Variants in KCNIP4 observed in about 807,000 individuals in gnomAD.
The protein encoded by KCNIP4 is Kv channel-interacting protein 4.
Under a neutral mutation model 34.0 loss-of-function variants are expected in KCNIP4, and 12 were observed. That is an observed-to-expected ratio of 0.35 (90% CI 0.23 to 0.57). The LOEUF is 0.57. KCNIP4 is among the 20% of genes least tolerant of loss of function. The pLI is 0.83. For missense variants in KCNIP4, 238 were observed against 311.7 expected (o/e 0.76, Z 1.78); for synonymous variants, 124 against 102.2 (o/e 1.21, Z -1.29).
chr4:21,707,817 G>A (rs183738300), intron 1 of KCNIP4, among the ~76,000 whole-genome samples: 8 of 151,990 alleles, frequency 5.3e-5, no homozygotes, highest in Middle Eastern at 3.4e-3. Context: ...TATGGTTAGG[G>A]GAGCTAAGTT....
chr4:21,648,825 G>C (rs1156499101), intron 1 of KCNIP4, among the ~76,000 whole-genome samples: 1 of 152,140 alleles, frequency 6.6e-6, no homozygotes, highest in East Asian at 1.9e-4. Context: ...ATCTAGTAGA[G>C]GCCCCGCACA....
chr4:20,761,135 A>G (rs1754925724), intron 3 of KCNIP4, among the ~76,000 whole-genome samples: 1 of 152,112 alleles, frequency 6.6e-6, no homozygotes, highest in South Asian at 2.1e-4. Context: ...AGTGTTCTTC[A>G]GACATCATCT....
intron 1 of KCNIP4, among the ~76,000 whole-genome samples, chr4:21,448,054 C>T (rs1728183336): frequency 6.6e-6 from 1 of 152,006 alleles, no homozygotes; most frequent in Non-Finnish European, 1.5e-5. Flanking sequence ...TTTGATACTG[C>T]TTTGGGAAGC....
At chr4:20,751,379 G>T (rs1441154868) in intron 4 of KCNIP4, among the ~76,000 whole-genome samples, 2 of 152,000 alleles carry the variant, frequency 1.3e-5, no homozygotes, top group African/African-American at 4.8e-5. Flanking sequence ...TTCTGTTGTT[G>T]GGAAGCTCCA....
chr4:21,307,740 C>G (rs773936204), intron 1 of KCNIP4, among the ~76,000 whole-genome samples: 13 of 151,826 alleles, frequency 8.6e-5, no homozygotes, highest in Non-Finnish European at 1.0e-4. Flanking sequence ...GCCTGGGGAG[C>G]CTGAGAGATT....
At chr4:21,724,096 T>C (rs1231829483) in intron 1 of KCNIP4, among the ~76,000 whole-genome samples, 1 of 152,096 alleles carries the variant, frequency 6.6e-6, no homozygotes, top group African/African-American at 2.4e-5. Context: ...CCTACATGAA[T>C]GATGGTACAT....
At chr4:21,887,956 TTATCATTAGTTGTTCAACTATGA>T (rs1318007169) in intron 1 of KCNIP4, among the ~76,000 whole-genome samples, 1 of 152,192 alleles carries the variant, frequency 6.6e-6, no homozygotes, top group Admixed American at 6.6e-5. Context: ...ACCTAGTGTT[TTATCATTAGTTGTTCAACTATGA>T]TAGTTCATAT....
At chr4:21,340,216 A>C (rs148148796) in intron 1 of KCNIP4, among the ~76,000 whole-genome samples, 2 of 152,044 alleles carry the variant, frequency 1.3e-5, no homozygotes, top group African/African-American at 4.8e-5. Context: ...TTTAAACTGT[A>C]ACTCTACAAA....
At chr4:20,797,794 C>G (rs1165550369) in intron 3 of KCNIP4, among the ~76,000 whole-genome samples, 1 of 152,170 alleles carries the variant, frequency 6.6e-6, no homozygotes, top group African/African-American at 2.4e-5. Flanking sequence ...AATATAGCCA[C>G]AGTCAACTGA....
At chr4:21,603,747 G>A (rs1482492404) in intron 1 of KCNIP4, among the ~76,000 whole-genome samples, 5 of 151,436 alleles carry the variant, frequency 3.3e-5, no homozygotes, top group South Asian at 2.1e-4. Flanking sequence ...TCTGACTAGC[G>A]ATGTGTCTTT....
chr4:21,895,779 T>G (rs1727350613), intron 1 of KCNIP4, among the ~76,000 whole-genome samples: 1 of 152,184 alleles, frequency 6.6e-6, no homozygotes, highest in East Asian at 1.9e-4. Context: ...GCATCTGTCC[T>G]CAGATTGGGA....
At position 20,891,802 on chromosome 4, in the gene KCNIP4, T is replaced by C. The variant is rs1452098191; in HGVS notation, c.62-9093A>G. On this transcript the variant is annotated intron_variant, in intron 1 of 8. Coordinates refer to ENST00000382152, the MANE Select transcript of KCNIP4 (RefSeq NM_025221.6). ...CAAAAGTAATTGTGATTTTTACCAT[T>C]GAAAGTAATGGCAAAAACTGCAATT... is the stretch of plus-strand genomic sequence containing the variant. 2.6e-5 allele frequency among the ~76,000 whole-genome samples: 4 copies of C among 152,124 alleles called. No individual in the cohort carries two copies. The South Asian group carries it at 8.3e-4, about 32-fold the overall frequency.
At chr4:21,480,588 G>A (rs1731337274) in intron 1 of KCNIP4, among the ~76,000 whole-genome samples, 2 of 152,094 alleles carry the variant, frequency 1.3e-5, no homozygotes, top group Admixed American at 1.3e-4. Flanking sequence ...TGAATAAAGT[G>A]GTAAGGCACA....
intron 1 of KCNIP4, among the ~76,000 whole-genome samples, chr4:21,857,291 G>A (rs1335928372): frequency 6.6e-6 from 1 of 152,110 alleles, no homozygotes; most frequent in African/African-American, 2.4e-5. Flanking sequence ...TACCCCCAGG[G>A]TCTCCTCTCT....
At chr4:21,295,360 C>T (rs1005974250) in intron 1 of KCNIP4, among the ~76,000 whole-genome samples, 4 of 152,026 alleles carry the variant, frequency 2.6e-5, no homozygotes, top group Admixed American at 1.3e-4. Flanking sequence ...AATATCAGGG[C>T]GTATAAAAGA....
At chr4:21,806,945 A>T (rs1341126208) in intron 1 of KCNIP4, among the ~76,000 whole-genome samples, 1 of 152,078 alleles carries the variant, frequency 6.6e-6, no homozygotes. Context: ...ATTACATTAT[A>T]CTATACGATG....
At chr4:21,034,799 G>A (rs1412723321) in intron 1 of KCNIP4, among the ~76,000 whole-genome samples, 3 of 152,162 alleles carry the variant, frequency 2.0e-5, no homozygotes, top group Non-Finnish European at 4.4e-5. Context: ...ACACAGCTTG[G>A]GGAAATATTT....
At chr4:21,147,956 A>AAAAAAAAAAAAAAAAAAAAAAAAAAAG (rs1553945843) in intron 1 of KCNIP4, among the ~76,000 whole-genome samples, 33 of 128,374 alleles carry the variant, frequency 2.6e-4, no homozygotes, top group Non-Finnish European at 3.1e-4. Context: ...AAAAAAAAAA[A>AAAAAAAAAAAAAAAAAAAAAAAAAAAG]AAAAGAAAAA....
At chr4:21,383,877 A>G (rs1333377762) in intron 1 of KCNIP4, among the ~76,000 whole-genome samples, 1 of 152,152 alleles carries the variant, frequency 6.6e-6, no homozygotes, top group African/African-American at 2.4e-5. Flanking sequence ...ATAGATAAAT[A>G]AGCAACTAAA....
Sources: allele counts gnomAD v4.1 joint callset (sites outside exome capture counted in the v4.1 genomes callset), GRCh38; gene constraint gnomAD v4.1.1; transcripts MANE v1.5; gene names NCBI Gene and HGNC (gene_info 2026-07-23, HGNC 2026-07-21).